TAF4B: variants seen among roughly 807,000 people sequenced by gnomAD.
TAF4B encodes the protein TATA-box binding protein associated factor 4b.
Under a neutral mutation model 86.4 loss-of-function variants are expected in TAF4B, and 38 were observed. The ratio of observed to expected loss-of-function variants is 0.44; its 90% CI spans 0.34 to 0.58. TAF4B has a LOEUF of 0.58. TAF4B is among the 20% of genes least tolerant of loss of function. The pLI, the probability that TAF4B is intolerant of heterozygous loss-of-function variation, is 0.02. For synonymous variants in TAF4B, 388 were observed against 391.2 expected, an observed-to-expected ratio of 0.99 and a Z score of 0.10; for missense variants, 988 against 1,027.6, an observed-to-expected ratio of 0.96 and a Z score of 0.53.
At chr18:26,302,371 ATTTTT>A (rs66683595) in intron 9 of TAF4B, among the ~76,000 whole-genome samples, 5 of 93,078 alleles carry the variant, frequency 5.4e-5, no homozygotes, top group Non-Finnish European at 6.0e-5. Flanking sequence ...TTCATATTAA[ATTTTT>A]TTTTTTTTTT....
At position 26,250,370 on chromosome 18, in the gene TAF4B, G is replaced by A. The variant is rs553175974; in HGVS notation, c.344-14800G>A. ...AAATTAGCCAGGCATGGTAGCAGGCGCCTGTAGTCCGAGCTACTCGAGAGG... is the reference window on the plus strand; with the variant it reads ...AAATTAGCCAGGCATGGTAGCAGGCACCTGTAGTCCGAGCTACTCGAGAGG... On this transcript the variant is annotated intron_variant, in intron 1 of 14. Coordinates refer to ENST00000269142, the MANE Select transcript of TAF4B (RefSeq NM_005640.3). Among the ~76,000 whole-genome samples, 17 of 152,096 alleles carry A rather than the reference G, an allele frequency of 1.1e-4. No individual in the cohort carries two copies. The South Asian group carries it at 2.9e-3, about 26-fold the overall frequency.
rs751950859 is a variant in TAF4B at position 26,274,988 on chromosome 18, G to T, written c.817G>T (p.Ala273Ser). The T allele has an allele frequency of 6.2e-7, 1 of 1,612,814 alleles. No homozygotes were observed. The highest frequency in any genetic ancestry group is 8.5e-7 in the Non-Finnish European group (1 of 1,179,794). ...KNFLAMLIKL[A>S]CSGSQSPEMG... ...CTTCCTTGCAATGTTAATAAAACTA[G>T]CATGTAGTGGATCACAGTCCCCAGA... Residue 273 changes from alanine (A) to serine (S), a missense_variant, in exon 5 of 15, where the codon GCA becomes TCA. Transcript: ENST00000269142.
At chr18:26,264,628 C>T (rs1016660055) in intron 1 of TAF4B, among the ~76,000 whole-genome samples, 2 of 152,116 alleles carry the variant, frequency 1.3e-5, no homozygotes, top group African/African-American at 4.8e-5. Flanking sequence ...GGAGTAAGAC[C>T]TAATTGCTGT....
intron 14 of TAF4B, among the ~76,000 whole-genome samples, chr18:26,384,423 G>A (rs545988457): frequency 1.3e-4 from 20 of 152,294 alleles, no homozygotes; most frequent in Middle Eastern, 3.4e-3. Flanking sequence ...TAATTTGAGG[G>A]GTGTAAGAAA....
intron 14 of TAF4B, among the ~76,000 whole-genome samples, chr18:26,385,218 G>C (rs1282524510): frequency 6.6e-6 from 1 of 152,168 alleles, no homozygotes; most frequent in African/African-American, 2.4e-5. Context: ...GTATTAAGTT[G>C]AGGGATAAAA....
chr18:26,378,284 T>A (rs1791738), intron 14 of TAF4B, among the ~76,000 whole-genome samples: 2 of 152,204 alleles, frequency 1.3e-5, no homozygotes, highest in Admixed American at 1.3e-4. Flanking sequence ...ATACATAAAT[T>A]TCTCAAGCAT....
In TAF4B at chr18:26,296,028, G is replaced by A. The variant is rs75239307; in HGVS notation, c.1832+2497G>A. ...TGTGTGTGTTTCAGGGAGTGTAATA[G>A]TATGGATTTTAGTCCTTTTGCCTCT... On this transcript the variant is annotated intron_variant, in intron 9 of 14. Transcript: ENST00000269142. Among the ~76,000 whole-genome samples, 990 of 151,504 alleles carry A rather than the reference G, an allele frequency of 6.5e-3. 9 individuals are homozygous for A. Among genetic ancestry groups the A allele is most frequent in the Non-Finnish European group, 9.0e-3 (610 of 67,844 alleles).
chr18:26,293,518 A>G lies in TAF4B; in HGVS notation c.1819A>G (p.Thr607Ala). ...TQKNRIKENV[T>A]SCFRDEDDIN... is the part of the protein sequence containing the mutation. ...GAAAAATAGAATAAAAGAGAATGTA[A>G]CATCATGCTTCCGGTAAGAAAATAA... Residue 607 changes from threonine (T) to alanine (A), a missense_variant, in exon 9 of 15, where the codon ACA becomes GCA. Coordinates refer to ENST00000269142, the MANE Select transcript of TAF4B (RefSeq NM_005640.3). The G allele has an allele frequency of 1.3e-6, 2 of 1,560,746 alleles. No individual in the cohort carries two copies. The highest frequency in any genetic ancestry group is 1.7e-6 in the Non-Finnish European group (2 of 1,161,910).
At chr18:26,338,401 A>C (rs1020103105) in intron 13 of TAF4B, among the ~76,000 whole-genome samples, 1 of 147,552 alleles carries the variant, frequency 6.8e-6, no homozygotes, top group Non-Finnish European at 1.5e-5. Context: ...GTGAGCCGAC[A>C]TGGTGCCACT....
intron 11 of TAF4B, among the ~76,000 whole-genome samples, chr18:26,325,987 G>A (rs1231261499): frequency 6.6e-6 from 1 of 152,132 alleles, no homozygotes; most frequent in Non-Finnish European, 1.5e-5. Flanking sequence ...TCAACCATAA[G>A]CAGGGGGATA....
At chr18:26,383,961 T>C (rs535982138) in intron 14 of TAF4B, among the ~76,000 whole-genome samples, 2 of 152,312 alleles carry the variant, frequency 1.3e-5, no homozygotes, top group Admixed American at 1.3e-4. Flanking sequence ...ATTGTGAATA[T>C]AGATTTTCAG....
chr18:26,340,777 C>T (rs1205669263), intron 13 of TAF4B, among the ~76,000 whole-genome samples: 1 of 152,056 alleles, frequency 6.6e-6, no homozygotes, highest in Non-Finnish European at 1.5e-5. Context: ...TAAAAGTCAT[C>T]ACTTTTATTT....
intron 3 of TAF4B, among the ~76,000 whole-genome samples, chr18:26,270,124 G>T (rs1405277698): frequency 6.6e-6 from 1 of 152,142 alleles, no homozygotes; most frequent in African/African-American, 2.4e-5. Context: ...TTAGCAACAT[G>T]ATCTTAGATA....
intron 14 of TAF4B, among the ~76,000 whole-genome samples, chr18:26,389,155 C>T (rs1028712059): frequency 2.6e-5 from 4 of 152,204 alleles, no homozygotes; most frequent in African/African-American, 7.2e-5. Context: ...CACAGCTCAA[C>T]TTTGCTGTGT....
intron 8 of TAF4B, 90 bp downstream of exon 8, chr18:26,292,471 G>A (rs994326946): frequency 5.1e-5 from 71 of 1,395,674 alleles, no homozygotes; most frequent in Non-Finnish European, 6.8e-5. Context: ...TAAGAGAAGA[G>A]AGGTTTGGTC....
chr18:26,343,104 A>T (rs1288411962), intron 13 of TAF4B, among the ~76,000 whole-genome samples: 1 of 152,228 alleles, frequency 6.6e-6, no homozygotes, highest in Non-Finnish European at 1.5e-5. Flanking sequence ...GAAGATAAGA[A>T]TTCAAAATAC....
chr18:26,315,520 TAATC>T, intron 10 of TAF4B, 122 bp downstream of exon 10: 2 of 611,986 alleles, frequency 3.3e-6, no homozygotes, highest in Non-Finnish European at 5.1e-6. Context: ...ATTCTAGAAA[TAATC>T]AAGATTTCAT....
intron 9 of TAF4B, among the ~76,000 whole-genome samples, chr18:26,309,941 C>T (rs911309715): frequency 6.6e-6 from 1 of 152,196 alleles, no homozygotes; most frequent in Non-Finnish European, 1.5e-5. Flanking sequence ...TCTCCTGCCT[C>T]AGCCTCCCGA....
chr18:26,382,199 A>C (rs1978292982), intron 14 of TAF4B, among the ~76,000 whole-genome samples: 1 of 152,228 alleles, frequency 6.6e-6, no homozygotes, highest in Non-Finnish European at 1.5e-5. Flanking sequence ...CCTTTGAATA[A>C]ATTTTAAGAA....
Sources: allele counts gnomAD v4.1 joint callset (sites outside exome capture counted in the v4.1 genomes callset), GRCh38; gene constraint gnomAD v4.1.1; transcripts MANE v1.5; gene names NCBI Gene and HGNC (gene_info 2026-07-23, HGNC 2026-07-21).